STK4: variants seen among roughly 807,000 people sequenced by gnomAD.
STK4 encodes serine/threonine-protein kinase 4.
A neutral mutation model predicts 64.9 loss-of-function variants in STK4; 30 were observed. That is an observed-to-expected ratio of 0.46 (90% CI 0.35 to 0.63). The LOEUF (loss-of-function observed/expected upper bound fraction) is 0.63, where lower values mean the gene tolerates loss of function less well. Among genes scored for constraint, STK4 ranks in the 20% least tolerant of loss-of-function variants. The pLI is 0.01. For synonymous variants in STK4, 177 were observed against 199.0 expected (o/e 0.89, Z 0.93); for missense variants, 466 against 598.5 (o/e 0.78, Z 2.31).
intron 7 of STK4, among the ~76,000 whole-genome samples, chr20:44,999,893 T>A (rs2067804148): frequency 6.6e-6 from 1 of 152,210 alleles, no homozygotes; most frequent in Admixed American, 6.5e-5. Flanking sequence ...ACCTCCCAAA[T>A]CACTGGCCTT....
chr20:45,022,531 A>T (rs2068266668), intron 9 of STK4, among the ~76,000 whole-genome samples: 1 of 151,554 alleles, frequency 6.6e-6, no homozygotes, highest in Admixed American at 6.5e-5. Flanking sequence ...ACAGTGACAG[A>T]AATAGACAAA....
intron 10 of STK4, among the ~76,000 whole-genome samples, chr20:45,040,044 G>A (rs1039797242): frequency 6.8e-6 from 1 of 147,338 alleles, no homozygotes; most frequent in Non-Finnish European, 1.5e-5. Context: ...AATCAGGTTC[G>A]ATTTTTTTTT....
chr20:44,967,265 T>C (rs1465614994), intron 1 of STK4: 3 of 976,984 alleles, frequency 3.1e-6, no homozygotes, highest in South Asian at 4.7e-5. Flanking sequence ...GAACCTGACA[T>C]TGGGAGGTAG....
intron 10 of STK4, among the ~76,000 whole-genome samples, chr20:45,029,798 G>GTAGTATATC (rs1274320753): frequency 3.9e-5 from 6 of 152,176 alleles, no homozygotes; most frequent in African/African-American, 1.2e-4. Context: ...GGTTTTTACA[G>GTAGTATATC]TAGTATATCT....
Position 45,000,469 on chromosome 20 carries a change from A to T in STK4, c.909A>T (p.Lys303Asn). Residue 303 changes from lysine (K) to asparagine (N), a missense_variant, in exon 8 of 11, where the codon AAA becomes AAT. Physicochemically the swap from Lys to Asn is moderately conservative, Grantham distance 94 (BLOSUM62 0). Around this residue, in one of 2 missense-constraint regions of STK4, gnomAD observed 276 missense variants for 308.9 expected, o/e 0.89. Transcript: ENST00000372806. ...LINEAMDVKLKRQESQQREVD... is the reference protein window; with the variant it reads ...LINEAMDVKLNRQESQQREVD... The stretch of plus-strand genomic sequence containing the variant: ...ATGAAGCCATGGATGTGAAACTGAA[A>T]CGCCAGGAATCCCAGCAGCGGGAAG... 6.2e-7 allele frequency: 1 copy of T among 1,614,132 alleles called. No individual in the cohort carries two copies. Among genetic ancestry groups the T allele is most frequent in the Non-Finnish European group, 8.5e-7 (1 of 1,179,986 alleles).
At chr20:45,058,894 A>T (rs1238369987) in intron 10 of STK4, among the ~76,000 whole-genome samples, 1 of 152,168 alleles carries the variant, frequency 6.6e-6, no homozygotes, top group Non-Finnish European at 1.5e-5. Flanking sequence ...CCTTCTGTAG[A>T]CATTTACAAT....
chr20:44,982,038 C>A, intron 4 of STK4, 95 bp downstream of exon 4: 1 of 755,880 alleles, frequency 1.3e-6, no homozygotes, highest in Non-Finnish European at 2.3e-6. Context: ...ACTAGAGAGA[C>A]GACTGTCAGA....
chr20:45,062,036 C>T (rs1348223611), intron 10 of STK4, among the ~76,000 whole-genome samples: 1 of 151,998 alleles, frequency 6.6e-6, no homozygotes, highest in Non-Finnish European at 1.5e-5. Context: ...TGTGCCACCA[C>T]ACCCAGCTAA....
chr20:44,980,024 C>T (rs1395919887), intron 3 of STK4, among the ~76,000 whole-genome samples: 1 of 152,130 alleles, frequency 6.6e-6, no homozygotes, highest in African/African-American at 2.4e-5. Flanking sequence ...CTGTGCTAAG[C>T]ACTGTAAGGA....
At chr20:45,068,538 C>T (rs565889271) in intron 10 of STK4, among the ~76,000 whole-genome samples, 1 of 152,270 alleles carries the variant, frequency 6.6e-6, no homozygotes, top group African/African-American at 2.4e-5. Context: ...CACCCGTTAC[C>T]ACTAGTGGCA....
chr20:45,036,611 A>G (rs1214776644), intron 10 of STK4, among the ~76,000 whole-genome samples: 2 of 152,198 alleles, frequency 1.3e-5, no homozygotes, highest in African/African-American at 2.4e-5. Flanking sequence ...TAAGGGGGGA[A>G]AAACCATATG....
intron 10 of STK4, among the ~76,000 whole-genome samples, chr20:45,042,368 C>T (rs367648353): frequency 9.3e-4 from 141 of 152,192 alleles, no homozygotes; most frequent in African/African-American, 3.3e-3. Context: ...TGCAAGTTTT[C>T]CCACTCCATC....
chr20:44,989,837 G>T (rs2067600364), intron 5 of STK4, among the ~76,000 whole-genome samples: 2 of 152,066 alleles, frequency 1.3e-5, no homozygotes, highest in Non-Finnish European at 2.9e-5. Context: ...TGAAAAGACT[G>T]TTTTTTCTTT....
chr20:45,008,645 C>T (rs2067992631), intron 9 of STK4, among the ~76,000 whole-genome samples: 1 of 152,168 alleles, frequency 6.6e-6, no homozygotes, highest in Non-Finnish European at 1.5e-5. Context: ...ACTTACATTC[C>T]TACCAACAGT....
At chr20:45,019,893 G>C (rs958586827) in intron 9 of STK4, among the ~76,000 whole-genome samples, 3 of 152,194 alleles carry the variant, frequency 2.0e-5, no homozygotes, top group Non-Finnish European at 4.4e-5. Context: ...ACAAGCTGCT[G>C]TCCAGCACAC....
intron 10 of STK4, among the ~76,000 whole-genome samples, chr20:45,031,754 T>G (rs1330800165): frequency 6.6e-6 from 1 of 151,768 alleles, no homozygotes; most frequent in African/African-American, 2.4e-5. Context: ...GTACAAAAAA[T>G]TAGTTGGGCG....
At chr20:45,011,723 ATATATATTT>A (rs2068048683) in intron 9 of STK4, among the ~76,000 whole-genome samples, 1 of 106,234 alleles carries the variant, frequency 9.4e-6, no homozygotes, top group Non-Finnish European at 2.0e-5. Context: ...ATATATATAT[ATATATATTT>A]TTTTTTTTTT....
chr20:45,036,507 G>A (rs935600885), intron 10 of STK4, among the ~76,000 whole-genome samples: 16 of 152,108 alleles, frequency 1.1e-4, no homozygotes, highest in Non-Finnish European at 1.9e-4. Flanking sequence ...TGTCCCCAGC[G>A]TGCGAGAGTA....
At chr20:44,997,696 C>A (rs535473714) in intron 7 of STK4, among the ~76,000 whole-genome samples, 1 of 152,000 alleles carries the variant, frequency 6.6e-6, no homozygotes, top group Non-Finnish European at 1.5e-5. Flanking sequence ...GACGCTATCT[C>A]GAAAAACAAA....
Sources: allele counts gnomAD v4.1 joint callset (sites outside exome capture counted in the v4.1 genomes callset), GRCh38; gene constraint gnomAD v4.1.1; regional missense constraint gnomAD v4.1.1; transcripts MANE v1.5; gene names NCBI Gene and HGNC (gene_info 2026-07-23, HGNC 2026-07-21).